The following LOXL2 variants were observed in gnomAD, a reference collection of about 807,000 sequenced individuals.
LOXL2 encodes the protein lysyl oxidase homolog 2.
A neutral mutation model predicts 93.0 loss-of-function variants in LOXL2; 70 were observed. That is an observed-to-expected ratio of 0.75 (90% CI 0.62 to 0.92). The LOEUF (loss-of-function observed/expected upper bound fraction) is 0.92. Among genes scored for constraint, LOXL2 ranks in the 40% least tolerant of loss-of-function variants. The pLI, the probability that LOXL2 is intolerant of heterozygous loss-of-function variation, is 0.00. For missense variants in LOXL2, 973 were observed against 1,054.9 expected (o/e 0.92, Z 1.08); for synonymous variants, 438 against 413.2 (o/e 1.06, Z -0.73).
chr8:23,335,025 G>C lies in LOXL2; in HGVS notation c.744-1402C>G, dbSNP rs192435723. ...GAGACAGTGTTTCACCGTGTTGCCA[G>C]GCTGCTCTCGAACTCCTGACCTCAG... is the stretch of plus-strand genomic sequence containing the variant. On this transcript the variant is annotated intron_variant, in intron 4 of 13. Coordinates refer to ENST00000389131, the MANE Select transcript of LOXL2 (RefSeq NM_002318.3). 5.3e-5 allele frequency among the ~76,000 whole-genome samples: 8 copies of C among 152,264 alleles called. No individual in the cohort carries two copies. In the East Asian group the frequency reaches 1.5e-3, roughly 29 times the overall value.
intron 5 of LOXL2, chr8:23,328,918 G>A (rs527374218): frequency 3.4e-5 from 7 of 205,966 alleles, no homozygotes; most frequent in Non-Finnish European, 6.8e-5. Context: ...CCATCAGCAC[G>A]TCCCCCACCA....
At chr8:23,359,448 C>A (rs574285020) in intron 3 of LOXL2, among the ~76,000 whole-genome samples, 2 of 152,170 alleles carry the variant, frequency 1.3e-5, no homozygotes, top group Admixed American at 6.5e-5. Flanking sequence ...AGGCAGCCTA[C>A]GAAGAGGCCA....
chr8:23,306,134 G>T (rs1400422058), intron 10 of LOXL2, among the ~76,000 whole-genome samples: 1 of 152,176 alleles, frequency 6.6e-6, no homozygotes, highest in African/African-American at 2.4e-5. Context: ...TTTAAGACAT[G>T]GCACTCGTCA....
At chr8:23,307,098 T>C (rs914773291) in intron 10 of LOXL2, among the ~76,000 whole-genome samples, 2 of 152,212 alleles carry the variant, frequency 1.3e-5, no homozygotes, top group African/African-American at 4.8e-5. Context: ...TTCTCAAGCC[T>C]GGCTCCAGAT....
chr8:23,297,672 T>C lies in LOXL2; in HGVS notation c.*371A>G, dbSNP rs1803058112. The C allele has an allele frequency of 1.0e-5, 2 of 195,748 alleles. No individual in the cohort carries two copies. Among genetic ancestry groups the C allele is most frequent in the African/African-American group, 4.6e-5 (2 of 43,150 alleles). 12.1% of individuals were successfully genotyped at this position (195,748 alleles called of 1,614,324 possible). A position where few individuals can be genotyped will look rare whatever the true frequency, so the allele number is the denominator to read the frequency against. Reference sequence around the variant, plus strand: ...GCTGATGAGCCCGCATTTGTCCACGTGTCACTGGAGAAGAGCGCGGCTCCA... The same window carrying C: ...GCTGATGAGCCCGCATTTGTCCACGCGTCACTGGAGAAGAGCGCGGCTCCA... On this transcript the variant is annotated 3_prime_UTR_variant, in exon 14 of 14. Coordinates refer to ENST00000389131, the MANE Select transcript of LOXL2 (RefSeq NM_002318.3).
chr8:23,403,575 G>A (rs762816441), intron 1 of LOXL2, among the ~76,000 whole-genome samples: 1 of 152,106 alleles, frequency 6.6e-6, no homozygotes, highest in Non-Finnish European at 1.5e-5. Context: ...CTCAAAGCCA[G>A]AATTCCGGAG....
chr8:23,303,545 G>A, intron 10 of LOXL2, 148 bp from the exon 11 acceptor site: 1 of 614,694 alleles, frequency 1.6e-6, no homozygotes, highest in Non-Finnish European at 2.9e-6. Context: ...GAGGCCTGAG[G>A]AAAGGAAAGC....
intron 10 of LOXL2, among the ~76,000 whole-genome samples, chr8:23,308,341 G>C (rs552630547): frequency 3.9e-5 from 6 of 152,124 alleles, no homozygotes; most frequent in South Asian, 2.1e-4. Context: ...GGATTGAGCA[G>C]GTCCCAGGCT....
At chr8:23,355,975 T>C (rs1219684412) in intron 3 of LOXL2, among the ~76,000 whole-genome samples, 1 of 152,180 alleles carries the variant, frequency 6.6e-6, no homozygotes, top group East Asian at 1.9e-4. Flanking sequence ...TGACTGTTTT[T>C]TTCCCCATGA....
intron 9 of LOXL2, among the ~76,000 whole-genome samples, chr8:23,312,408 C>T (rs1346465869): frequency 1.4e-5 from 2 of 138,664 alleles, no homozygotes; most frequent in Non-Finnish European, 3.1e-5. Context: ...CAATAAAATA[C>T]TGGCAAACCG....
intron 1 of LOXL2, among the ~76,000 whole-genome samples, chr8:23,383,509 A>T (rs1156668999): frequency 6.6e-6 from 1 of 152,172 alleles, no homozygotes; most frequent in African/African-American, 2.4e-5. Flanking sequence ...CAATATTCAC[A>T]TCCTATCAAT....
At chr8:23,401,131 T>G (rs948382598) in intron 1 of LOXL2, among the ~76,000 whole-genome samples, 11 of 152,190 alleles carry the variant, frequency 7.2e-5, no homozygotes, top group Non-Finnish European at 1.5e-5. Context: ...AGCTGTGCCC[T>G]CTGGACAGCT....
In LOXL2 at chr8:23,302,053, C is replaced by G; in HGVS notation, c.2107G>C (p.Val703Leu). 1 of 1,614,154 alleles carries G rather than the reference C, an allele frequency of 6.2e-7. No individual in the cohort carries two copies. The highest frequency in any genetic ancestry group is 8.5e-7 in the Non-Finnish European group (1 of 1,179,998). The change falls in exon 12 of 14, where the codon GTG (valine) becomes CTG (leucine). Residue 703 changes from valine to leucine, a missense_variant. Physicochemically the swap from Val to Leu is conservative, Grantham distance 32. Coordinates refer to ENST00000389131, the MANE Select transcript of LOXL2 (RefSeq NM_002318.3). ...IDCQWVDITD[V>L]PPGDYLFQVV... is the part of the protein sequence containing the mutation. ...TGGAACAGGTAGTCTCCAGGGGGCA[C>G]GTCAGTGATGTCAACCCACTGGCAG... is the stretch of plus-strand genomic sequence containing the variant.
intron 1 of LOXL2, among the ~76,000 whole-genome samples, chr8:23,384,771 G>A (rs772705963): frequency 8.5e-5 from 13 of 152,058 alleles, no homozygotes; most frequent in South Asian, 2.1e-4. Context: ...AAAATTAGCC[G>A]GGCATGGTGG....
chr8:23,339,280 T>G (rs919620698), intron 4 of LOXL2, among the ~76,000 whole-genome samples: 29 of 152,264 alleles, frequency 1.9e-4, no homozygotes, highest in African/African-American at 6.7e-4. Flanking sequence ...GGGGCTGGTT[T>G]CCAGCAGCTT....
At chr8:23,298,453 G>A (rs1473146176) in intron 13 of LOXL2, among the ~76,000 whole-genome samples, 1 of 152,198 alleles carries the variant, frequency 6.6e-6, no homozygotes, top group Non-Finnish European at 1.5e-5. Flanking sequence ...GTCTTTATTG[G>A]AGACTAGAAA....
rs971614864 is a variant in LOXL2, at chr8:23,302,083, T to C, written c.2077A>G (p.Ile693Val). ...MGCWDMYRHD[I>V]DCQWVDITDV... ...GTGATGTCAACCCACTGGCAGTCGA[T>C]GTCATGGCGGTACATGTCCCAGCAG... The change falls in exon 12 of 14, where the codon ATC becomes GTC. Residue 693 changes from isoleucine (I) to valine (V), a missense_variant. Ile to Val is a conservative substitution (Grantham distance 29, BLOSUM62 3). Coordinates refer to ENST00000389131, the MANE Select transcript of LOXL2 (RefSeq NM_002318.3). 20 of 1,614,030 alleles carry C rather than the reference T, an allele frequency of 1.2e-5. No homozygotes were observed. In the Middle Eastern group the frequency reaches 8.2e-4, roughly 66 times the overall value.
In LOXL2 at chr8:23,354,319, C is replaced by T. The variant is rs542634971; in HGVS notation, c.531+5771G>A. On this transcript the variant is annotated intron_variant, in intron 3 of 13. Coordinates refer to ENST00000389131, the MANE Select transcript of LOXL2 (RefSeq NM_002318.3). ...GACAGAGTAGGCATGGGAAGGGACGCGGGTGCCCTCATCACATTCATTAGC... is the reference window on the plus strand; with the variant it reads ...GACAGAGTAGGCATGGGAAGGGACGTGGGTGCCCTCATCACATTCATTAGC... 4.6e-5 allele frequency among the ~76,000 whole-genome samples: 7 copies of T among 152,266 alleles called. No homozygotes were observed. The South Asian group carries it at 1.2e-3, about 27-fold the overall frequency.
intron 1 of LOXL2, among the ~76,000 whole-genome samples, chr8:23,377,931 C>T (rs2117222841): frequency 6.6e-6 from 1 of 152,220 alleles, no homozygotes; most frequent in East Asian, 1.9e-4. Flanking sequence ...AGCATTTAGC[C>T]CATTTACATT....
Sources: gnomAD v4.1 joint callset for allele counts (sites outside exome capture counted in the v4.1 genomes callset) on GRCh38, gnomAD v4.1.1 for gene constraint, MANE v1.5 for transcripts, NCBI Gene and HGNC (gene_info 2026-07-23, HGNC 2026-07-21) for gene names.